CHST9: variants seen among roughly 807,000 people sequenced by gnomAD.
CHST9 encodes GalNAc-4-sulfotransferase 2.
Under a neutral mutation model 44.4 loss-of-function variants are expected in CHST9, and 41 were observed. That is an observed-to-expected ratio of 0.92 (90% CI 0.72 to 1.20). The LOEUF is 1.20. CHST9 is among the 50% of genes most tolerant of loss of function. The pLI is 0.00. For missense variants in CHST9, 504 were observed against 516.5 expected, an observed-to-expected ratio of 0.98 and a Z score of 0.23; for synonymous variants, 171 against 178.4, an observed-to-expected ratio of 0.96 and a Z score of 0.33.
chr18:26,928,010 C>T (rs941097349), intron 5 of CHST9, among the ~76,000 whole-genome samples: 2 of 151,926 alleles, frequency 1.3e-5, no homozygotes, highest in East Asian at 1.9e-4. Context: ...CAGCACGCTG[C>T]CTTCAAGCAT....
At chr18:27,178,028 T>C (rs992718423) in intron 1 of CHST9, among the ~76,000 whole-genome samples, 1 of 151,992 alleles carries the variant, frequency 6.6e-6, no homozygotes, top group African/African-American at 2.4e-5. Flanking sequence ...ATACTCGCAT[T>C]AGAAATTGTA....
At chr18:27,082,365 T>C (rs1324840751) in intron 2 of CHST9, among the ~76,000 whole-genome samples, 1 of 152,206 alleles carries the variant, frequency 6.6e-6, no homozygotes, top group East Asian at 1.9e-4. Context: ...AAGAACAATG[T>C]TATATGGAAA....
At chr18:26,982,285 A>G (rs1036548204) in intron 4 of CHST9, among the ~76,000 whole-genome samples, 5 of 152,174 alleles carry the variant, frequency 3.3e-5, no homozygotes, top group Non-Finnish European at 7.4e-5. Context: ...GTTTCTTAAA[A>G]CAGTTCTGAT....
chr18:27,088,599 T>C (rs537844253), intron 2 of CHST9, among the ~76,000 whole-genome samples: 1 of 152,214 alleles, frequency 6.6e-6, no homozygotes, highest in East Asian at 1.9e-4. Context: ...TTCACCATGT[T>C]GGCCAGATGA....
At chr18:27,103,767 C>T (rs1172168291) in intron 2 of CHST9, among the ~76,000 whole-genome samples, 1 of 152,132 alleles carries the variant, frequency 6.6e-6, no homozygotes, top group African/African-American at 2.4e-5. Flanking sequence ...TGGTCATTAG[C>T]AGAGTCCAAG....
intron 4 of CHST9, among the ~76,000 whole-genome samples, chr18:26,992,253 A>G (rs1259472763): frequency 7.9e-6 from 1 of 126,582 alleles, no homozygotes; most frequent in East Asian, 2.7e-4. Context: ...TGAAGAACAA[A>G]TCACACCACA....
In CHST9 at chr18:27,116,738, C is replaced by T. The variant is rs570021206; in HGVS notation, c.121+25951G>A. 1.4e-3 allele frequency among the ~76,000 whole-genome samples: 219 copies of T among 152,220 alleles called. 1 individual carries two copies. The highest frequency in any genetic ancestry group is 6.8e-3 in the Middle Eastern group (2 of 294). ...CTTCCAATCCTTGATCATTAGATAT[C>T]TTTCCATTTATTGAGGTTTTATTTA... On this transcript the variant is annotated intron_variant, in intron 2 of 5. Transcript: ENST00000618847.
chr18:27,128,084 C>A (rs2058440559), intron 2 of CHST9, among the ~76,000 whole-genome samples: 1 of 152,090 alleles, frequency 6.6e-6, no homozygotes. Context: ...ATCAATTTAT[C>A]CTGGTACCAA....
At position 27,009,959 on chromosome 18, in the gene CHST9, C is replaced by A. The variant is rs988978479; in HGVS notation, c.202+14157G>T. Among the ~76,000 whole-genome samples, 28 of 152,134 alleles carry A rather than the reference C, an allele frequency of 1.8e-4. 1 individual carries two copies. The highest frequency in any genetic ancestry group is 1.8e-3 in the Admixed American group (28 of 15,268). On this transcript the variant is annotated intron_variant, in intron 4 of 5. Coordinates refer to ENST00000618847, the MANE Select transcript of CHST9 (RefSeq NM_031422.6). Reference sequence around the variant, plus strand: ...CAGAAGGCATAGTTTCTAAATTAAACCAGCAAAAGTAAAAAGGTAATACTT... The same window carrying A: ...CAGAAGGCATAGTTTCTAAATTAAAACAGCAAAAGTAAAAAGGTAATACTT...
intron 2 of CHST9, among the ~76,000 whole-genome samples, chr18:27,060,070 C>A (rs1386263959): frequency 6.6e-6 from 1 of 152,090 alleles, no homozygotes; most frequent in Non-Finnish European, 1.5e-5. Context: ...AGAAGAGGCT[C>A]CCCACCACTT....
intron 2 of CHST9, among the ~76,000 whole-genome samples, chr18:27,092,901 C>T (rs542132468): frequency 6.6e-6 from 1 of 152,220 alleles, no homozygotes; most frequent in Admixed American, 6.5e-5. Context: ...CGGTGTGGTG[C>T]CGAGAAGAAT....
chr18:26,993,942 G>T (rs564744626), intron 4 of CHST9, among the ~76,000 whole-genome samples: 1 of 152,344 alleles, frequency 6.6e-6, no homozygotes, highest in South Asian at 2.1e-4. Context: ...TCATTCTGGG[G>T]CCTCTCTCCT....
chr18:27,021,159 T>C (rs1459581119), intron 4 of CHST9, among the ~76,000 whole-genome samples: 3 of 152,068 alleles, frequency 2.0e-5, no homozygotes, highest in African/African-American at 7.2e-5. Context: ...GCAGTTGGGA[T>C]GTGAGACAAG....
intron 4 of CHST9, among the ~76,000 whole-genome samples, chr18:26,949,276 A>G (rs1027950945): frequency 6.6e-6 from 1 of 152,136 alleles, no homozygotes; most frequent in African/African-American, 2.4e-5. Context: ...GAATGTGGGA[A>G]ATACAGGAGC....
intron 2 of CHST9, among the ~76,000 whole-genome samples, chr18:27,055,962 G>GTGTA (rs757026804): frequency 6.6e-6 from 1 of 151,584 alleles, no homozygotes; most frequent in Non-Finnish European, 1.5e-5. Flanking sequence ...GTGTGTGTGT[G>GTGTA]TATACACAAG....
At chr18:27,112,818 G>A (rs571577968) in intron 2 of CHST9, among the ~76,000 whole-genome samples, 12 of 152,078 alleles carry the variant, frequency 7.9e-5, no homozygotes, top group South Asian at 4.1e-4. Context: ...AAATGGCAAC[G>A]CATTTCCCAT....
In CHST9 at chr18:26,906,949, A is replaced by C. The variant is rs2145022768; in HGVS notation, c.*9310T>G. 1 of 152,426 alleles carries C rather than the reference A, an allele frequency of 6.6e-6. No individual in the cohort carries two copies. The highest frequency in any genetic ancestry group is 2.1e-4 in the South Asian group (1 of 4,822). The allele number at this position is 152,426 out of a possible 1,614,324, so 9.4% of individuals were successfully genotyped here. ...TGTTGGAGATTAAGCCAGGAGGCAG[A>C]AAATGGCCAGAAATATGCCTGGAGA... On this transcript the variant is annotated 3_prime_UTR_variant, in exon 6 of 6. Coordinates refer to ENST00000618847, the MANE Select transcript of CHST9 (RefSeq NM_031422.6).
chr18:27,045,046 G>GAA (rs767297866), intron 3 of CHST9, among the ~76,000 whole-genome samples: 25 of 100,810 alleles, frequency 2.5e-4, no homozygotes, highest in Admixed American at 2.1e-4. Flanking sequence ...TTTGAGTTGA[G>GAA]AAAAAAAAAA....
chr18:27,119,255 T>C (rs2058354567), intron 2 of CHST9, among the ~76,000 whole-genome samples: 2 of 152,190 alleles, frequency 1.3e-5, no homozygotes, highest in African/African-American at 4.8e-5. Context: ...ACAGAATCGA[T>C]ATGCCTAGAA....
Sources: gnomAD v4.1 joint callset for allele counts (sites outside exome capture counted in the v4.1 genomes callset) on GRCh38, gnomAD v4.1.1 for gene constraint, MANE v1.5 for transcripts, NCBI Gene and HGNC (gene_info 2026-07-23, HGNC 2026-07-21) for gene names.